YJEFN3: variants seen among roughly 807,000 people sequenced by gnomAD.
YJEFN3 encodes yjeF N-terminal domain-containing protein 3.
YJEFN3 carries 29 observed loss-of-function variants against 31.5 expected under a neutral mutation model. The ratio of observed to expected loss-of-function variants is 0.92; its 90% CI spans 0.69 to 1.26. The LOEUF is 1.26. Ranked by LOEUF, YJEFN3 falls within the 50% of genes most tolerant of loss-of-function variation. The pLI is 0.00. For synonymous variants in YJEFN3, 227 were observed against 196.1 expected, an observed-to-expected ratio of 1.16 and a Z score of -1.32; for missense variants, 442 against 425.4, an observed-to-expected ratio of 1.04 and a Z score of -0.34.
At position 19,534,914 on chromosome 19, in the gene YJEFN3, C is replaced by A; in HGVS notation, c.319-120C>A. On this transcript the variant is annotated intron_variant, in intron 3 of 6. Transcript: ENST00000514277. This position sits in a 1 kb window ranked among gnomAD's most constrained non-coding sequence, Gnocchi z 4.6. ...CATCCAGAACAGCTCACCTCCTGTC[C>A]TATCCTGTTGCCTCCAGGCCCAAGC... 1.2e-6 allele frequency: 1 copy of A among 800,564 alleles called. No individual in the cohort carries two copies. The highest frequency in any genetic ancestry group is 1.9e-6 in the Non-Finnish European group (1 of 523,384). 49.6% of individuals were successfully genotyped at this position (800,564 alleles called of 1,614,324 possible). A position where few individuals can be genotyped will look rare whatever the true frequency, so the allele number is the denominator to read the frequency against.
At chr19:19,532,994 C>T (rs1439092841) in intron 3 of YJEFN3, 2 of 1,276,274 alleles carry the variant, frequency 1.6e-6, no homozygotes, top group East Asian at 3.3e-5. Context: ...CCTGGAAGTG[C>T]AACCCCTCCT....
rs1185360337 is a variant in YJEFN3 at position 19,529,684 on chromosome 19, G to A, written c.209+171G>A. Among the ~76,000 whole-genome samples, 6 of 152,296 alleles carry A rather than the reference G, an allele frequency of 3.9e-5. No homozygotes were observed. The East Asian group carries it at 1.2e-3, about 29-fold the overall frequency. On this transcript the variant is annotated intron_variant, in intron 2 of 6. Coordinates refer to ENST00000514277, the MANE Select transcript of YJEFN3 (RefSeq NM_198537.4). The stretch of plus-strand genomic sequence containing the variant: ...TAGCAGGGCACGTGTCCCCTCAGCC[G>A]ATGTCCAGACTCAGTCTAGGGAAGA...
chr19:19,537,009 A>G (rs2061215937), intron 6 of YJEFN3, among the ~76,000 whole-genome samples: 1 of 152,154 alleles, frequency 6.6e-6, no homozygotes, highest in Non-Finnish European at 1.5e-5. Flanking sequence ...ATAGGAGCAG[A>G]AGCAGAAAGT....
chr19:19,532,905 T>G (rs1034015061), intron 3 of YJEFN3, among the ~76,000 whole-genome samples, 165 bp downstream of exon 3: 1 of 152,100 alleles, frequency 6.6e-6, no homozygotes, highest in Admixed American at 6.5e-5. Context: ...TCATGGCTGG[T>G]GCAGGCCAGA....
intron 2 of YJEFN3, among the ~76,000 whole-genome samples, chr19:19,529,762 G>A (rs889982076): frequency 6.6e-6 from 1 of 152,240 alleles, no homozygotes; most frequent in African/African-American, 2.4e-5. Flanking sequence ...GGTGAGGGGG[G>A]CCTCAAATGC....
Position 19,537,319 on chromosome 19 carries a change from G to C in YJEFN3, c.695G>C (p.Gly232Ala). 1 of 1,588,578 alleles carries C rather than the reference G, an allele frequency of 6.3e-7. No homozygotes were observed. Among genetic ancestry groups the C allele is most frequent in the Non-Finnish European group, 8.5e-7 (1 of 1,173,520 alleles). ...ATCCCCCCGGACCCTCCTCCCTCAG[G>C]CTGGGACGCAGAGACCGGCAGCGAT... ...IPLVSLDIPSGWDAETGSDSE... is the reference protein window; with the variant it reads ...IPLVSLDIPSAWDAETGSDSE... Residue 232 changes from glycine to alanine, a missense_variant and splice_region_variant, in exon 7 of 7, where the codon GGC (glycine) becomes GCC (alanine). By Grantham distance (60) the Gly-to-Ala change is moderately conservative (BLOSUM62 0). Transcript: ENST00000514277.
rs375264494 is a variant in YJEFN3, at chr19:19,535,649, A to G, written c.664A>G (p.Ile222Val). The change falls in exon 6 of 7, where the codon ATC (isoleucine) becomes GTC (valine). Residue 222 changes from isoleucine to valine, a missense_variant. Coordinates refer to ENST00000514277, the MANE Select transcript of YJEFN3 (RefSeq NM_198537.4). ...RALATLKLLS[I>V]PLVSLDIPSG... ...GCTGGCCACGCTCAAGCTGCTGTCC[A>G]TCCCCCTCGTGAGCCTGGACATCCC... is the stretch of plus-strand genomic sequence containing the variant. 12 of 1,576,556 alleles carry G rather than the reference A, an allele frequency of 7.6e-6. No individual in the cohort carries two copies. Among genetic ancestry groups the G allele is most frequent in the Non-Finnish European group, 1.0e-5 (12 of 1,162,186 alleles).
intron 4 of YJEFN3, 22 bp downstream of exon 4, chr19:19,535,166 G>C (rs772371358): frequency 1.3e-6 from 2 of 1,578,540 alleles, no homozygotes; most frequent in Non-Finnish European, 1.7e-6. Context: ...GGACCCCTTC[G>C]ACCTCCCAAA....
At chr19:19,529,199 C>CGGGAATCCG in intron 1 of YJEFN3, 165 bp from the exon 2 acceptor site, 1 of 1,447,104 alleles carries the variant, frequency 6.9e-7, no homozygotes. Flanking sequence ...CTGGGAATCC[C>CGGGAATCCG]GGGAATCCGA....
At chr19:19,529,876 T>C (rs928552432) in intron 2 of YJEFN3, among the ~76,000 whole-genome samples, 2 of 152,032 alleles carry the variant, frequency 1.3e-5, no homozygotes, top group Admixed American at 6.5e-5. Context: ...TTAGGCATGG[T>C]GAGGAGTTTG....
At chr19:19,533,215 G>A (rs762759775) in intron 3 of YJEFN3, 114 of 991,222 alleles carry the variant, frequency 1.2e-4, no homozygotes, top group East Asian at 3.3e-4. Flanking sequence ...CCCACACCTC[G>A]AGGGGCCAGG....
Position 19,534,526 on chromosome 19 carries a change from C to T in YJEFN3, c.319-508C>T, listed in dbSNP as rs1457357581. ...GGTGGGGAGAGAGACATGAAGAGAG[C>T]CAGAGACATACAGAGAGACAGAGAC... is the stretch of plus-strand genomic sequence containing the variant. On this transcript the variant is annotated intron_variant, in intron 3 of 6. Coordinates refer to ENST00000514277, the MANE Select transcript of YJEFN3 (RefSeq NM_198537.4). This position sits in a 1 kb window ranked among gnomAD's most constrained non-coding sequence, Gnocchi z 4.6. The T allele has an allele frequency of 6.6e-6, 1 of 151,736 alleles. No homozygotes were observed. Among genetic ancestry groups the T allele is most frequent in the Non-Finnish European group, 1.5e-5 (1 of 68,376 alleles). The allele number at this position is 151,736 out of a possible 1,614,324, so 9.4% of individuals were successfully genotyped here. A position where few individuals can be genotyped will look rare whatever the true frequency, so the allele number is the denominator to read the frequency against.
chr19:19,534,703 C>T lies in YJEFN3; in HGVS notation c.319-331C>T, dbSNP rs1261602547. ...AGGGGCTGAGGTCTGGAAACATGGG[C>T]GGGGGTGGGCCCGCGGTGAGAAAGG... On this transcript the variant is annotated intron_variant, in intron 3 of 6. Coordinates refer to ENST00000514277, the MANE Select transcript of YJEFN3 (RefSeq NM_198537.4). This position sits in a 1 kb window ranked among gnomAD's most constrained non-coding sequence, Gnocchi z 4.6. 1 of 197,906 alleles carries T rather than the reference C, an allele frequency of 5.1e-6. No homozygotes were observed. The highest frequency in any genetic ancestry group is 1.0e-5 in the Non-Finnish European group (1 of 99,012). 12.3% of individuals were successfully genotyped at this position (197,906 alleles called of 1,614,324 possible).
At chr19:19,529,652 GC>G in intron 2 of YJEFN3, 139 bp downstream of exon 2, 1 of 1,167,132 alleles carries the variant, frequency 8.6e-7, no homozygotes, top group Non-Finnish European at 1.2e-6. Flanking sequence ...CCTGCCCACT[GC>G]CCACCTAGCA....
At chr19:19,532,428 C>G (rs2061166119) in intron 2 of YJEFN3, among the ~76,000 whole-genome samples, 1 of 152,240 alleles carries the variant, frequency 6.6e-6, no homozygotes, top group Non-Finnish European at 1.5e-5. Flanking sequence ...TCCCACACCG[C>G]GGCCCGCCAG....
intron 6 of YJEFN3, 113 bp downstream of exon 6, chr19:19,535,792 T>A: frequency 7.3e-7 from 1 of 1,360,898 alleles, no homozygotes; most frequent in South Asian, 1.2e-5. Context: ...CCAGCTTGGA[T>A]GGACCCACAC....
intron 6 of YJEFN3, among the ~76,000 whole-genome samples, chr19:19,537,117 G>C (rs538780967): frequency 6.6e-6 from 1 of 151,146 alleles, no homozygotes; most frequent in East Asian, 2.0e-4. Context: ...GGGGCGACAA[G>C]TCTCACCAGG....
chr19:19,535,153 C>A lies in YJEFN3; in HGVS notation c.429+9C>A. On this transcript the variant is annotated intron_variant, in intron 4 of 6. Transcript: ENST00000514277. ...GGCACCTGCGGGTGTTTGTAAGTAG[C>A]AAGGACCCCTTCGACCTCCCAAAGT... 6.3e-7 allele frequency: 1 copy of A among 1,592,656 alleles called. No homozygotes were observed. The highest frequency in any genetic ancestry group is 1.8e-5 in the Admixed American group (1 of 57,102).
In YJEFN3 at chr19:19,534,472, T is replaced by A. The variant is rs1309626150; in HGVS notation, c.319-562T>A. On this transcript the variant is annotated intron_variant, in intron 3 of 6. Coordinates refer to ENST00000514277, the MANE Select transcript of YJEFN3 (RefSeq NM_198537.4). This position sits in a 1 kb window ranked among gnomAD's most constrained non-coding sequence, Gnocchi z 4.6. ...GACAGACAGACAGAGACACAGAGAG[T>A]CTGAGAGATACAGAAACAGCCAGAG... The A allele has an allele frequency of 6.7e-5, 8 of 119,198 alleles. No individual in the cohort carries two copies. Among genetic ancestry groups the A allele is most frequent in the South Asian group, 5.4e-4 (2 of 3,708 alleles). The allele number at this position is 119,198 out of a possible 1,614,324, so 7.4% of individuals were successfully genotyped here.
Sources: allele counts gnomAD v4.1 joint callset (sites outside exome capture counted in the v4.1 genomes callset), GRCh38; gene constraint gnomAD v4.1.1; non-coding constraint Gnocchi (gnomAD v3.1); transcripts MANE v1.5; gene names NCBI Gene and HGNC (gene_info 2026-07-23, HGNC 2026-07-21).